Variants in ALG9 observed in about 807,000 individuals in gnomAD.
The protein encoded by ALG9 is ALG9 alpha-1,2-mannosyltransferase, also known as alpha-1,2-mannosyltransferase ALG9.
A neutral mutation model predicts 81.8 loss-of-function variants in ALG9; 55 were observed. That is an observed-to-expected ratio of 0.67 (90% confidence interval 0.54 to 0.84). The LOEUF (loss-of-function observed/expected upper bound fraction) is 0.84. ALG9 is among the 40% of genes least tolerant of loss of function. The pLI is 0.00. For synonymous variants in ALG9, 278 were observed against 274.3 expected, an observed-to-expected ratio of 1.01 and a Z score of -0.13; for missense variants, 629 against 745.0, an observed-to-expected ratio of 0.84 and a Z score of 1.81.
Position 111,819,858 on chromosome 11 carries a change from T to G in ALG9, c.1603-10085A>C, listed in dbSNP as rs377187269. On this transcript the variant is annotated intron_variant, in intron 13 of 14. Transcript: ENST00000616540. The stretch of plus-strand genomic sequence containing the variant: ...GGTGCCTGGTACAGTACCTGGCATA[T>G]CTCAGGCAGTCAAAAAGTATTTGCG... Among the ~76,000 whole-genome samples the G allele has an allele frequency of 1.1e-3, 171 of 152,328 alleles. 5 individuals are homozygous for G. In the South Asian group the frequency reaches 0.034, roughly 30 times the overall value.
In ALG9 at chr11:111,786,159, G is replaced by A; in HGVS notation, c.*238C>T. Reference sequence around the variant, plus strand: ...GAGCAATATATCTATCTGTGCTTTAGGGCCTTTCTCTGCCTAGCTGCAAAA... The same window carrying A: ...GAGCAATATATCTATCTGTGCTTTAAGGCCTTTCTCTGCCTAGCTGCAAAA... On this transcript the variant is annotated 3_prime_UTR_variant, in exon 15 of 15. Coordinates refer to ENST00000616540, the MANE Select transcript of ALG9 (RefSeq NM_024740.2). 3.3e-6 allele frequency: 2 copies of A among 597,522 alleles called. No individual in the cohort carries two copies. The highest frequency in any genetic ancestry group is 6.3e-6 in the Non-Finnish European group (2 of 318,994). 37.0% of individuals were successfully genotyped at this position (597,522 alleles called of 1,614,324 possible). A position where few individuals can be genotyped will look rare whatever the true frequency, so the allele number is the denominator to read the frequency against.
Position 111,860,646 on chromosome 11 carries a change from G to C in ALG9, c.477-11C>G, listed in dbSNP as rs1959757850. 1 of 1,604,584 alleles carries C rather than the reference G, an allele frequency of 6.2e-7. No homozygotes were observed. The highest frequency in any genetic ancestry group is 8.5e-7 in the Non-Finnish European group (1 of 1,172,824). On this transcript the variant is annotated splice_polypyrimidine_tract_variant and intron_variant, in intron 4 of 14. Coordinates refer to ENST00000616540, the MANE Select transcript of ALG9 (RefSeq NM_024740.2). ...TTCTTGCACACAGCCCTAGGAAAAA[G>C]GCAAAGACTATCAGCATTGAGAATA...
downstream of ALG9, among the ~76,000 whole-genome samples, chr11:111,779,834 G>A (rs1409764846): frequency 6.6e-6 from 1 of 152,174 alleles, no homozygotes; most frequent in Non-Finnish European, 1.5e-5. Context: ...AATTTTAACA[G>A]ACTATTTATT....
chr11:111,823,451 A>G (rs1198684398), intron 13 of ALG9, among the ~76,000 whole-genome samples: 1 of 152,216 alleles, frequency 6.6e-6, no homozygotes, highest in African/African-American at 2.4e-5. Flanking sequence ...GAGCAATTAG[A>G]AAGTCTATGT....
chr11:111,778,570 G>GT (rs1223094280), downstream of ALG9, among the ~76,000 whole-genome samples: 2 of 152,136 alleles, frequency 1.3e-5, no homozygotes, highest in Admixed American at 1.3e-4. Flanking sequence ...GAAGGCCTGG[G>GT]TAACCAGGAG....
rs1555141025 is a variant in ALG9, at chr11:111,853,690, T to C, written c.748A>G (p.Ser250Gly). The change falls in exon 7 of 15, where the codon AGT (serine) becomes GGT (glycine). Residue 250 changes from serine to glycine, a missense_variant. This residue lies in a region of ALG9 where 344 missense variants were observed against 390.5 expected (regional missense o/e 0.88). Transcript: ENST00000616540. ...GCCATCAGCGACCAATGAAAGAAACTCTTCCACCTGTGTTTCATGACCAGC... is the reference window on the plus strand; with the variant it reads ...GCCATCAGCGACCAATGAAAGAAACCCTTCCACCTGTGTTTCATGACCAGC... ...DLLVMKHRWK[S>G]FFHWSLMALI... 1 of 1,614,090 alleles carries C rather than the reference T, an allele frequency of 6.2e-7. No homozygotes were observed. Among genetic ancestry groups the C allele is most frequent in the Non-Finnish European group, 8.5e-7 (1 of 1,180,018 alleles).
chr11:111,837,351 A>T, intron 12 of ALG9, 117 bp downstream of exon 12: 1 of 1,226,832 alleles, frequency 8.2e-7, no homozygotes, highest in East Asian at 2.4e-5. Context: ...GACGTGGTAG[A>T]TAATTCAATA....
intron 14 of ALG9, among the ~76,000 whole-genome samples, chr11:111,807,834 C>T (rs1950152354): frequency 6.6e-6 from 1 of 152,180 alleles, no homozygotes; most frequent in South Asian, 2.1e-4. Flanking sequence ...TGGGTCATCC[C>T]AGCACTTTGG....
Position 111,857,708 on chromosome 11 carries a change from T to G in ALG9, c.595A>C (p.Thr199Pro). Reference sequence around the variant, plus strand: ...CATCCAGTCATGGCTATCAACGTAGTGTACATACAGAAGCTACTAGGAAGG... The same window carrying G: ...CATCCAGTCATGGCTATCAACGTAGGGTACATACAGAAGCTACTAGGAAGG... Reference protein sequence around the residue: ...AFLPSSFCMYTTLIAMTGWYM... With the variant: ...AFLPSSFCMYPTLIAMTGWYM... Residue 199 changes from threonine to proline, a missense_variant, in exon 6 of 15, where the codon ACT becomes CCT. Thr to Pro is a conservative substitution (Grantham distance 38). This residue lies in a region of ALG9 where 344 missense variants were observed against 390.5 expected (regional missense o/e 0.88). Coordinates refer to ENST00000616540, the MANE Select transcript of ALG9 (RefSeq NM_024740.2). 6.2e-7 allele frequency: 1 copy of G among 1,614,098 alleles called. No homozygotes were observed. Among genetic ancestry groups the G allele is most frequent in the Middle Eastern group, 1.7e-4 (1 of 6,058 alleles).
intron 14 of ALG9, among the ~76,000 whole-genome samples, chr11:111,800,044 A>C (rs1437857969): frequency 6.6e-6 from 1 of 152,190 alleles, no homozygotes; most frequent in Non-Finnish European, 1.5e-5. Context: ...TCCTTTCTTT[A>C]AAGTTCTAGC....
intron 13 of ALG9, among the ~76,000 whole-genome samples, chr11:111,833,562 C>T (rs369058859): frequency 2.6e-5 from 4 of 152,040 alleles, no homozygotes; most frequent in Admixed American, 1.3e-4. Context: ...ACAATAGAAA[C>T]GGGACAGGCT....
At chr11:111,847,497 A>C (rs1429582142) in intron 8 of ALG9, among the ~76,000 whole-genome samples, 2 of 152,336 alleles carry the variant, frequency 1.3e-5, no homozygotes, top group African/African-American at 4.8e-5. Context: ...TGCCTTCTCC[A>C]GGCCTGTGCA....
chr11:111,782,717 CAATA>C lies in ALG9; in HGVS notation c.*3676_*3679del, dbSNP rs1178426376. Reference sequence around the variant, plus strand: ...AATAAATCCCAGGAAATGCAAAACACAATAAATGATTGCCACTGGAGCTTTGCCC... The same window carrying C: ...AATAAATCCCAGGAAATGCAAAACACAATGATTGCCACTGGAGCTTTGCCC... On this transcript the variant is annotated 3_prime_UTR_variant, in exon 15 of 15. Transcript: ENST00000616540. 2 of 152,146 alleles carry C rather than the reference CAATA, an allele frequency of 1.3e-5. No individual in the cohort carries two copies. Among genetic ancestry groups the C allele is most frequent in the African/African-American group, 4.8e-5 (2 of 41,436 alleles). The allele number at this position is 152,146 out of a possible 1,614,324, so 9.4% of individuals were successfully genotyped here.
intron 13 of ALG9, among the ~76,000 whole-genome samples, chr11:111,821,198 C>T (rs1952307576): frequency 6.6e-6 from 1 of 152,204 alleles, no homozygotes; most frequent in Non-Finnish European, 1.5e-5. Context: ...GTCCTACTTT[C>T]ATGCTCTGTA....
chr11:111,778,224 G>C (rs1241631120), downstream of ALG9: 1 of 152,146 alleles, frequency 6.6e-6, no homozygotes, highest in Non-Finnish European at 1.5e-5. Flanking sequence ...CTGAAGGCCA[G>C]GCAGTATTCC....
chr11:111,857,639 C>G lies in ALG9; in HGVS notation c.664G>C (p.Gly222Arg), dbSNP rs1555144356. 6.2e-7 allele frequency: 1 copy of G among 1,614,186 alleles called. No homozygotes were observed. Among genetic ancestry groups the G allele is most frequent in the Non-Finnish European group, 8.5e-7 (1 of 1,180,036 alleles). Residue 222 changes from glycine to arginine, a missense_variant, in exon 6 of 15, where the codon GGG (glycine) becomes CGG (arginine). Gly to Arg is a moderately radical substitution (Grantham distance 125). Coordinates refer to ENST00000616540, the MANE Select transcript of ALG9 (RefSeq NM_024740.2). ...TSIAVLGVAA[G>R]AILGWPFSAA... ...CTGAATGGCCAGCCTAAGATAGCCCCAGCTGCTACTCCCAGCACAGCAATG... is the reference window on the plus strand; with the variant it reads ...CTGAATGGCCAGCCTAAGATAGCCCGAGCTGCTACTCCCAGCACAGCAATG...
Position 111,868,623 on chromosome 11 carries a change from T to C in ALG9, c.384A>G (p.Ala128=), listed in dbSNP as rs1555155501. The C allele has an allele frequency of 6.2e-7, 1 of 1,614,058 alleles. No individual in the cohort carries two copies. The highest frequency in any genetic ancestry group is 1.7e-5 in the Admixed American group (1 of 60,026). ...LLHAWPAAFH[A]RILQTNKILV... is the part of the protein sequence containing the mutation. ...TTACCTTATTAGTTTGTAGAATTCT[T>C]GCATGAAATGCAGCTGGCCAGGCAT... is the stretch of plus-strand genomic sequence containing the variant. The change falls in exon 3 of 15, where the codon GCA becomes GCG. Residue 128 remains alanine (A), a synonymous_variant. Transcript: ENST00000616540.
chr11:111,774,550 G>A, the ALG9 span, among the ~76,000 whole-genome samples: 1 of 152,206 alleles, frequency 6.6e-6, no homozygotes, highest in Admixed American at 6.5e-5. Flanking sequence ...CAGGGTGCCT[G>A]GGGAACAGAG....
intron 1 of ALG9, chr11:111,870,783 C>A: frequency 6.0e-6 from 6 of 1,007,880 alleles, no homozygotes; most frequent in Non-Finnish European, 7.1e-6. Flanking sequence ...ACTTGAAGGC[C>A]ACAAAGCTGT....
Sources: allele counts gnomAD v4.1 joint callset (sites outside exome capture counted in the v4.1 genomes callset), GRCh38; gene constraint gnomAD v4.1.1; regional missense constraint gnomAD v4.1.1; transcripts MANE v1.5; gene names NCBI Gene and HGNC (gene_info 2026-07-23, HGNC 2026-07-21).